TTLL11: variants seen among roughly 807,000 people sequenced by gnomAD.
TTLL11 encodes the protein tubulin polyglutamylase TTLL11.
In TTLL11, 42 loss-of-function variants were observed where a neutral mutation model predicts 51.7. That is an observed-to-expected ratio of 0.81 (90% confidence interval 0.64 to 1.05). TTLL11 has a LOEUF of 1.05. Among genes scored for constraint, TTLL11 ranks in the 50% least tolerant of loss-of-function variants. TTLL11 has a pLI of 0.00. For missense variants in TTLL11, 799 were observed against 940.4 expected, an observed-to-expected ratio of 0.85 and a Z score of 1.97; for synonymous variants, 381 against 383.5, an observed-to-expected ratio of 0.99 and a Z score of 0.08.
At chr9:121,840,321 T>G (rs1837312812) in intron 8 of TTLL11, among the ~76,000 whole-genome samples, 2 of 152,124 alleles carry the variant, frequency 1.3e-5, no homozygotes, top group African/African-American at 4.8e-5. Flanking sequence ...CACAGTGCGC[T>G]GCGATGTGAC....
rs183252909 is a variant in TTLL11 at position 121,964,326 on chromosome 9, C to T, written c.1481+9683G>A. Reference sequence around the variant, plus strand: ...GTTTTTTGTTTTTTGGAGACTGAGTCTCCCTCTGTTGCCTAGGCTGGAGAG... The same window carrying T: ...GTTTTTTGTTTTTTGGAGACTGAGTTTCCCTCTGTTGCCTAGGCTGGAGAG... On this transcript the variant is annotated intron_variant, in intron 6 of 8. Coordinates refer to ENST00000321582, the MANE Select transcript of TTLL11 (RefSeq NM_001139442.2). Among the ~76,000 whole-genome samples, 62 of 150,576 alleles carry T rather than the reference C, an allele frequency of 4.1e-4. 1 individual carries two copies. In the East Asian group the frequency reaches 8.3e-3, roughly 20 times the overall value.
chr9:121,886,307 C>A (rs900723676), intron 6 of TTLL11, among the ~76,000 whole-genome samples: 3 of 152,132 alleles, frequency 2.0e-5, no homozygotes, highest in African/African-American at 7.2e-5. Context: ...GTGAATGTGA[C>A]CTTTTTTGGA....
intron 8 of TTLL11, among the ~76,000 whole-genome samples, chr9:121,849,813 A>G (rs1318259810): frequency 6.6e-6 from 1 of 152,196 alleles, no homozygotes; most frequent in Non-Finnish European, 1.5e-5. Flanking sequence ...AAATGGTACT[A>G]CTACTTTGGA....
chr9:122,033,087 C>T (rs982973534), intron 2 of TTLL11, among the ~76,000 whole-genome samples: 4 of 151,890 alleles, frequency 2.6e-5, no homozygotes, highest in Admixed American at 6.6e-5. Flanking sequence ...AGGTGTAAGC[C>T]GCCATGCCTG....
chr9:122,092,586 T>A, intron 1 of TTLL11, 101 bp downstream of exon 1: 1 of 1,482,790 alleles, frequency 6.7e-7, no homozygotes, highest in Non-Finnish European at 8.9e-7. Flanking sequence ...CCGCAGGAGC[T>A]CAGCCCTCGC....
intron 2 of TTLL11, among the ~76,000 whole-genome samples, chr9:122,034,152 A>C (rs1212540707): frequency 6.6e-6 from 1 of 152,194 alleles, no homozygotes; most frequent in Non-Finnish European, 1.5e-5. Context: ...TATTTTCTGC[A>C]CTTTAAAGTC....
At chr9:122,044,205 T>C (rs1844933755) in intron 1 of TTLL11, among the ~76,000 whole-genome samples, 1 of 152,218 alleles carries the variant, frequency 6.6e-6, no homozygotes, top group Non-Finnish European at 1.5e-5. Context: ...TTTTTATGGC[T>C]GCATAGTATT....
chr9:121,965,927 G>A (rs1842386382), intron 6 of TTLL11, among the ~76,000 whole-genome samples: 1 of 152,138 alleles, frequency 6.6e-6, no homozygotes, highest in African/African-American at 2.4e-5. Flanking sequence ...GAGATTCCTT[G>A]TTTTCTGTTC....
intron 1 of TTLL11, among the ~76,000 whole-genome samples, chr9:122,080,746 A>T (rs1293621811): frequency 6.6e-6 from 1 of 152,170 alleles, no homozygotes; most frequent in Admixed American, 6.5e-5. Context: ...AAGGAAGCAC[A>T]TTCCTGAATA....
chr9:121,985,473 A>C (rs981605993), intron 4 of TTLL11, among the ~76,000 whole-genome samples: 2 of 150,896 alleles, frequency 1.3e-5, no homozygotes, highest in Non-Finnish European at 2.9e-5. Flanking sequence ...AGAATAAAGT[A>C]AGAGAGGGCT....
At chr9:121,898,782 T>A (rs1839642098) in intron 6 of TTLL11, among the ~76,000 whole-genome samples, 1 of 152,186 alleles carries the variant, frequency 6.6e-6, no homozygotes, top group Admixed American at 6.5e-5. Flanking sequence ...GCCTCCTGAG[T>A]GGCTAAGACT....
chr9:121,905,137 T>C (rs759503098), intron 6 of TTLL11, among the ~76,000 whole-genome samples: 10 of 152,168 alleles, frequency 6.6e-5, no homozygotes, highest in Non-Finnish European at 1.5e-4. Context: ...GGTTCTAATA[T>C]TGTAATATTA....
At chr9:121,838,973 T>C (rs7849204) in intron 8 of TTLL11, among the ~76,000 whole-genome samples, 2,426 of 152,292 alleles carry the variant, frequency 0.016, 50 homozygotes, top group African/African-American at 0.055. Flanking sequence ...CCCGTCACCC[T>C]GCGGGCCTTC....
At chr9:122,013,667 A>G (rs997329085) in intron 3 of TTLL11, among the ~76,000 whole-genome samples, 3 of 152,068 alleles carry the variant, frequency 2.0e-5, no homozygotes, top group Non-Finnish European at 2.9e-5. Context: ...CTCACCTGGG[A>G]GGGGGTGAAG....
chr9:121,896,681 C>T (rs1356478396), intron 6 of TTLL11, among the ~76,000 whole-genome samples: 1 of 152,130 alleles, frequency 6.6e-6, no homozygotes, highest in Non-Finnish European at 1.5e-5. Context: ...GTCCTGGCGG[C>T]GGGGCGGCAG....
At chr9:121,893,282 A>G (rs1207252294) in intron 6 of TTLL11, among the ~76,000 whole-genome samples, 1 of 151,994 alleles carries the variant, frequency 6.6e-6, no homozygotes, top group Non-Finnish European at 1.5e-5. Context: ...GACCATTGTT[A>G]ACATGTTGGT....
chr9:122,083,000 C>T (rs1256131326), intron 1 of TTLL11, among the ~76,000 whole-genome samples: 2 of 152,160 alleles, frequency 1.3e-5, no homozygotes, highest in Non-Finnish European at 2.9e-5. Flanking sequence ...CGCCACTATA[C>T]TCCAACCTGG....
chr9:122,000,631 T>C (rs367737140), intron 3 of TTLL11, among the ~76,000 whole-genome samples: 2 of 152,180 alleles, frequency 1.3e-5, no homozygotes, highest in East Asian at 1.9e-4. Context: ...ACAAATGGCA[T>C]GGCAACGTCA....
At chr9:121,860,039 CCAGCATCTGCT>C (rs1837956354) in intron 8 of TTLL11, among the ~76,000 whole-genome samples, 1 of 152,188 alleles carries the variant, frequency 6.6e-6, no homozygotes, top group African/African-American at 2.4e-5. Flanking sequence ...AAGGCTGGGC[CCAGCATCTGCT>C]CAGGAAATGT....
Sources: gnomAD v4.1 joint callset for allele counts (sites outside exome capture counted in the v4.1 genomes callset) on GRCh38, gnomAD v4.1.1 for gene constraint, MANE v1.5 for transcripts, NCBI Gene and HGNC (gene_info 2026-07-23, HGNC 2026-07-21) for gene names.